OSBPL10: variants seen among roughly 807,000 people sequenced by gnomAD.
The protein encoded by OSBPL10 is oxysterol-binding protein-related protein 10.
In OSBPL10, 49 loss-of-function variants were observed where a neutral mutation model predicts 81.7. The ratio of observed to expected loss-of-function variants is 0.60; its 90% CI spans 0.48 to 0.76. The LOEUF is 0.76. Among genes scored for constraint, OSBPL10 ranks in the 30% least tolerant of loss-of-function variants. The pLI is 0.00. For synonymous variants in OSBPL10, 419 were observed against 383.6 expected (o/e 1.09, Z -1.08); for missense variants, 923 against 987.8 (o/e 0.93, Z 0.88).
chr3:31,898,006 C>CAAAAAAAAAAAAAAAAAAA (rs58479197), intron 1 of OSBPL10, among the ~76,000 whole-genome samples: 3 of 62,480 alleles, frequency 4.8e-5, no homozygotes, highest in East Asian at 5.6e-4. Flanking sequence ...AGAACTCTGT[C>CAAAAAAAAAAAAAAAAAAA]AAAAAAAAAA....
chr3:31,750,101 TAA>T (rs1484142138), intron 4 of OSBPL10, among the ~76,000 whole-genome samples: 1 of 150,864 alleles, frequency 6.6e-6, no homozygotes, highest in African/African-American at 2.4e-5. Flanking sequence ...AGAATCGCTT[TAA>T]CCCAGGAGGC....
intron 3 of OSBPL10, among the ~76,000 whole-genome samples, chr3:31,854,818 A>T (rs1700868101): frequency 1.3e-5 from 2 of 152,214 alleles, no homozygotes; most frequent in African/African-American, 4.8e-5. Flanking sequence ...TTTAAGGGTA[A>T]GGCCTTTTCC....
rs970793217 is a variant in OSBPL10, at chr3:32,053,610, T to A, written n.186-7007A>T. Among the ~76,000 whole-genome samples the A allele has an allele frequency of 2.6e-5, 4 of 152,174 alleles. No homozygotes were observed. In the East Asian group the frequency reaches 7.7e-4, roughly 29 times the overall value. The stretch of plus-strand genomic sequence containing the variant: ...AATTTTCATTAAGACCTGGGTTTGA[T>A]ATCAGTAGTACACTAATGCAAGGGT... On this transcript the variant is annotated intron_variant and non_coding_transcript_variant, in intron 1 of 3. Coordinates refer to the OSBPL10 transcript ENST00000479173.
chr3:31,755,140 C>A (rs1028513127), intron 4 of OSBPL10, among the ~76,000 whole-genome samples: 1 of 152,152 alleles, frequency 6.6e-6, no homozygotes, highest in East Asian at 1.9e-4. Flanking sequence ...TTCCCCAGAC[C>A]TCTGACTGGT....
chr3:31,816,386 C>A (rs74772572), intron 4 of OSBPL10, among the ~76,000 whole-genome samples: 1 of 152,174 alleles, frequency 6.6e-6, no homozygotes, highest in Non-Finnish European at 1.5e-5. Context: ...GTGCAAGAAC[C>A]AAGCCTGCTT....
chr3:31,865,822 C>A (rs956787270), intron 3 of OSBPL10, among the ~76,000 whole-genome samples: 1 of 152,168 alleles, frequency 6.6e-6, no homozygotes, highest in African/African-American at 2.4e-5. Context: ...ACCAGCAGTA[C>A]CCTCTCTAAA....
intron 1 of OSBPL10, among the ~76,000 whole-genome samples, chr3:31,950,890 G>A (rs1273098932): frequency 4.6e-5 from 7 of 152,140 alleles, no homozygotes; most frequent in Non-Finnish European, 1.0e-4. Context: ...AAAGTTCCCT[G>A]AAGCCTCACC....
chr3:32,007,115 A>G (rs985374578), intron 2 of OSBPL10, among the ~76,000 whole-genome samples: 2 of 152,160 alleles, frequency 1.3e-5, no homozygotes, highest in Non-Finnish European at 2.9e-5. Context: ...ATTTTGACAT[A>G]TAGTACTTGG....
intron 1 of OSBPL10, among the ~76,000 whole-genome samples, chr3:31,978,230 C>G (rs1160100426): frequency 6.6e-6 from 1 of 152,106 alleles, no homozygotes; most frequent in Non-Finnish European, 1.5e-5. Flanking sequence ...TTGTCATTAA[C>G]TGTGGGCACT....
intron 4 of OSBPL10, among the ~76,000 whole-genome samples, chr3:31,754,994 G>A (rs1480241415): frequency 6.6e-6 from 1 of 152,128 alleles, no homozygotes; most frequent in Non-Finnish European, 1.5e-5. Flanking sequence ...GTCCTGGCCT[G>A]CTTGTATGGG....
intron 2 of OSBPL10, among the ~76,000 whole-genome samples, chr3:32,030,972 C>T (rs1699460539): frequency 6.6e-6 from 1 of 151,974 alleles, no homozygotes; most frequent in Admixed American, 6.6e-5. Flanking sequence ...TCGAGACCAG[C>T]CTGCCTAACA....
At chr3:31,959,021 C>T (rs1435286921) in intron 1 of OSBPL10, among the ~76,000 whole-genome samples, 1 of 152,136 alleles carries the variant, frequency 6.6e-6, no homozygotes, top group Non-Finnish European at 1.5e-5. Context: ...AGGGTCAGGG[C>T]CCTAGAAGAC....
At chr3:31,823,840 G>A (rs1700037574) in intron 4 of OSBPL10, among the ~76,000 whole-genome samples, 1 of 90,070 alleles carries the variant, frequency 1.1e-5, no homozygotes, top group Non-Finnish European at 2.3e-5. Flanking sequence ...ATTTGTATGT[G>A]TGTATGTGTG....
chr3:31,842,094 C>T (rs767782855), intron 3 of OSBPL10, among the ~76,000 whole-genome samples: 10 of 152,122 alleles, frequency 6.6e-5, no homozygotes, highest in Non-Finnish European at 1.3e-4. Context: ...TGCAGAAACT[C>T]GAGCAGCAAG....
chr3:31,923,500 C>G (rs367865471), intron 1 of OSBPL10, among the ~76,000 whole-genome samples: 27 of 152,304 alleles, frequency 1.8e-4, no homozygotes, highest in African/African-American at 6.5e-4. Flanking sequence ...TTCTTAAAGA[C>G]CAGTATGAGC....
intron 2 of OSBPL10, among the ~76,000 whole-genome samples, chr3:32,018,183 TAAA>T (rs1699332316): frequency 1.4e-5 from 2 of 147,154 alleles, no homozygotes; most frequent in Admixed American, 6.7e-5. Flanking sequence ...AATAAATAAA[TAAA>T]TAAATAAAAT....
intron 2 of OSBPL10, among the ~76,000 whole-genome samples, chr3:32,039,702 A>C (rs1452709924): frequency 6.6e-6 from 1 of 152,182 alleles, no homozygotes; most frequent in Non-Finnish European, 1.5e-5. Context: ...TTTAAGGAGA[A>C]GCAAACAAAA....
chr3:31,729,517 G>C (rs549182859), intron 6 of OSBPL10, among the ~76,000 whole-genome samples: 2 of 152,276 alleles, frequency 1.3e-5, no homozygotes, highest in East Asian at 3.9e-4. Flanking sequence ...TGCCTCCCAG[G>C]TTCAAGCAAT....
At chr3:32,022,147 A>AT (rs1699368149) in intron 2 of OSBPL10, among the ~76,000 whole-genome samples, 1 of 151,952 alleles carries the variant, frequency 6.6e-6, no homozygotes, top group Admixed American at 6.6e-5. Flanking sequence ...CAGCTTATCT[A>AT]TTTTTTCTGA....
Sources: gnomAD v4.1 joint callset for allele counts (sites outside exome capture counted in the v4.1 genomes callset) on GRCh38, gnomAD v4.1.1 for gene constraint, MANE v1.5 for transcripts, NCBI Gene and HGNC (gene_info 2026-07-23, HGNC 2026-07-21) for gene names.